Variants in MBP observed in about 807,000 individuals in gnomAD.
The protein encoded by MBP is myelin basic protein, also known as Golli-MBP.
A neutral mutation model predicts 35.8 loss-of-function variants in MBP; 16 were observed. That is an observed-to-expected ratio of 0.45 (90% CI 0.30 to 0.68). MBP has a LOEUF of 0.68. Ranked by LOEUF, MBP falls within the 30% of genes least tolerant of loss-of-function variation. MBP has a pLI of 0.08. For missense variants in MBP, 380 were observed against 404.7 expected, an observed-to-expected ratio of 0.94 and a Z score of 0.52; for synonymous variants, 143 against 159.6, an observed-to-expected ratio of 0.90 and a Z score of 0.78.
chr18:77,050,621 A>G (rs2144691853), intron 3 of MBP, among the ~76,000 whole-genome samples: 1 of 152,246 alleles, frequency 6.6e-6, no homozygotes, highest in African/African-American at 2.4e-5. Flanking sequence ...ATCTCGGCTC[A>G]CTGCAACCTG....
At chr18:77,037,840 C>A (rs12956305) in intron 3 of MBP, among the ~76,000 whole-genome samples, 1 of 152,062 alleles carries the variant, frequency 6.6e-6, no homozygotes, top group African/African-American at 2.4e-5. Context: ...AGAAAGCAGG[C>A]GACGGGCCTC....
At position 77,017,235 on chromosome 18, in the gene MBP, G is replaced by A. The variant is rs140157048; in HGVS notation, c.173C>T (p.Ser58Phe). Residue 58 changes from serine (S) to phenylalanine (F), a missense_variant, in exon 4 of 9, where the codon TCC becomes TTC. Ser to Phe is a radical substitution (Grantham distance 155). Transcript: ENST00000355994. ...EADANQNNGT[S>F]SQDTAVTDSK... ...GTCAGTCACCGCTGTGTCCTGAGAGGAGGTCCCATTGTTCTGGTTCGCATC... is the reference window on the plus strand; with the variant it reads ...GTCAGTCACCGCTGTGTCCTGAGAGAAGGTCCCATTGTTCTGGTTCGCATC... The A allele has an allele frequency of 9.2e-6, 14 of 1,515,872 alleles. No individual in the cohort carries two copies. The African/African-American group carries it at 1.4e-4, about 15-fold the overall frequency. 93.9% of individuals were successfully genotyped at this position (1,515,872 alleles called of 1,614,324 possible).
chr18:76,999,541 G>A (rs967195458), intron 4 of MBP, among the ~76,000 whole-genome samples: 5 of 150,466 alleles, frequency 3.3e-5, no homozygotes, highest in African/African-American at 7.4e-5. Context: ...CTGCAACCTC[G>A]CTCCTGGGTT....
At chr18:77,045,356 A>G (rs111407925) in intron 3 of MBP, among the ~76,000 whole-genome samples, 5 of 59,232 alleles carry the variant, frequency 8.4e-5, no homozygotes, top group Admixed American at 2.0e-4. Flanking sequence ...ACTTGCATGC[A>G]TCTCCGAATT....
chr18:77,092,941 C>G (rs140055239), intron 2 of MBP: 2 of 152,312 alleles, frequency 1.3e-5, no homozygotes, highest in Non-Finnish European at 2.9e-5. Context: ...ACACAAAGAA[C>G]TGTTGTTATG....
chr18:77,037,985 C>T (rs551961573), intron 3 of MBP, among the ~76,000 whole-genome samples: 6 of 152,292 alleles, frequency 3.9e-5, no homozygotes, highest in South Asian at 2.1e-4. Context: ...ATAAGGCAAT[C>T]GATATTAAAA....
At chr18:77,025,244 T>G (rs1454162645) in intron 3 of MBP, among the ~76,000 whole-genome samples, 1 of 152,118 alleles carries the variant, frequency 6.6e-6, no homozygotes, top group Non-Finnish European at 1.5e-5. Context: ...GCAGCCAGGC[T>G]TTTCCTCTCA....
chr18:77,060,162 T>G (rs1555722717), intron 3 of MBP, among the ~76,000 whole-genome samples: 1 of 152,220 alleles, frequency 6.6e-6, no homozygotes, highest in Non-Finnish European at 1.5e-5. Context: ...TTCTCTATTT[T>G]GTTTTCTCTA....
chr18:77,020,796 C>T lies in MBP; in HGVS notation c.140-3528G>A, dbSNP rs888416739. Among the ~76,000 whole-genome samples the T allele has an allele frequency of 6.6e-6, 1 of 152,206 alleles. No homozygotes were observed. Among genetic ancestry groups the T allele is most frequent in the African/African-American group, 2.4e-5 (1 of 41,454 alleles). On this transcript the variant is annotated intron_variant, in intron 3 of 8. Transcript: ENST00000355994. The surrounding 1 kb of genome is among the most constrained non-coding windows in gnomAD (Gnocchi z 4.1). ...GGTTAGGGCATGGTGGGTGGGAGCA[C>T]TCTGGAAACCCGCATTCCCAGACCA...
At chr18:77,118,120 T>C (rs1392706924) in intron 1 of MBP, among the ~76,000 whole-genome samples, 1 of 23,400 alleles carries the variant, frequency 4.3e-5, no homozygotes, top group East Asian at 1.1e-3. Context: ...ATGGGGACAG[T>C]GGGTTGGGGT....
chr18:76,980,142 C>T lies in MBP; in HGVS notation c.*285G>A. The T allele has an allele frequency of 1.5e-6, 1 of 654,066 alleles. No individual in the cohort carries two copies. 40.5% of individuals were successfully genotyped at this position (654,066 alleles called of 1,614,324 possible). A position where few individuals can be genotyped will look rare whatever the true frequency, so the allele number is the denominator to read the frequency against. ...GTGGAGGGACGTCTGTGCACCTGGC[C>T]CCCTGAAGACCCACGTGCGTCTGGG... On this transcript the variant is annotated 3_prime_UTR_variant, in exon 9 of 9. Transcript: ENST00000355994.
chr18:77,054,058 C>A (rs998196189), intron 3 of MBP, among the ~76,000 whole-genome samples: 1 of 152,252 alleles, frequency 6.6e-6, no homozygotes, highest in Non-Finnish European at 1.5e-5. Context: ...TGCCCCTCGG[C>A]CTGGTCTGCA....
At chr18:77,006,892 G>A (rs1266349400) in intron 4 of MBP, 1 of 152,608 alleles carries the variant, frequency 6.6e-6, no homozygotes, top group Non-Finnish European at 1.5e-5. Flanking sequence ...AAGAGGAAGA[G>A]AGAGACACGA....
chr18:77,051,689 C>T (rs1333657975), intron 3 of MBP, among the ~76,000 whole-genome samples: 2 of 152,112 alleles, frequency 1.3e-5, no homozygotes, highest in Admixed American at 1.3e-4. Context: ...TTTCCTGATA[C>T]ATCAAATTTA....
intron 1 of MBP, among the ~76,000 whole-genome samples, chr18:77,125,021 C>T (rs1977006621): frequency 6.6e-6 from 1 of 152,208 alleles, no homozygotes; most frequent in Non-Finnish European, 1.5e-5. Flanking sequence ...CGGCTCCTGC[C>T]CGTTTCTGCA....
chr18:76,981,215 C>T (rs1300581734), intron 8 of MBP: 1 of 152,208 alleles, frequency 6.6e-6, no homozygotes, highest in Non-Finnish European at 1.5e-5. Context: ...CTTAGATCGA[C>T]GAAGCAGAAC....
At chr18:77,029,678 C>T (rs908146582) in intron 3 of MBP, among the ~76,000 whole-genome samples, 4 of 152,132 alleles carry the variant, frequency 2.6e-5, no homozygotes, top group Admixed American at 6.5e-5. Flanking sequence ...TTTACCTTGG[C>T]TTTAAAAGTA....
At chr18:76,997,912 G>C (rs984425197) in intron 4 of MBP, among the ~76,000 whole-genome samples, 16 of 141,442 alleles carry the variant, frequency 1.1e-4, no homozygotes, top group African/African-American at 2.5e-4. Flanking sequence ...TCGATCTCCT[G>C]ACCTCGTGAT....
In MBP at chr18:77,048,942, T is replaced by G. The variant is rs138382322; in HGVS notation, c.139+17356A>C. Among the ~76,000 whole-genome samples the G allele has an allele frequency of 3.7e-3, 545 of 148,986 alleles. 4 individuals carry two copies. The highest frequency in any genetic ancestry group is 0.012 in the African/African-American group (480 of 40,382). On this transcript the variant is annotated intron_variant, in intron 3 of 8. Coordinates refer to ENST00000355994, the MANE Select transcript of MBP (RefSeq NM_001025101.2). ...TTTAATTTTATTTATTTTTTTGATA[T>G]GGAGTCTCGCTCTGTCACCCAGGCT...
Sources: allele counts gnomAD v4.1 joint callset (sites outside exome capture counted in the v4.1 genomes callset), GRCh38; gene constraint gnomAD v4.1.1; non-coding constraint Gnocchi (gnomAD v3.1); transcripts MANE v1.5; gene names NCBI Gene and HGNC (gene_info 2026-07-23, HGNC 2026-07-21).